Variants in ANKRD11 observed in about 807,000 individuals in gnomAD.
ANKRD11 encodes the protein ankyrin repeat domain 11, also known as ankyrin repeat domain-containing protein 11.
A neutral mutation model predicts 195.7 loss-of-function variants in ANKRD11; 17 were observed. The observed-to-expected ratio is 0.09, with a 90% confidence interval of 0.06 to 0.13. The LOEUF (loss-of-function observed/expected upper bound fraction) is 0.13, where lower values mean the gene tolerates loss of function less well. Ranked by LOEUF, ANKRD11 falls within the 10% of genes least tolerant of loss-of-function variation. The pLI is 1.00. For missense variants in ANKRD11, 3,735 were observed against 3,566.1 expected (o/e 1.05, Z -1.21); for synonymous variants, 1,953 against 1,528.1 (o/e 1.28, Z -6.49).
At chr16:89,360,538 A>G (rs902047205) in intron 2 of ANKRD11, 3 of 152,252 alleles carry the variant, frequency 2.0e-5, no homozygotes, top group African/African-American at 7.2e-5. Flanking sequence ...GCATTAGCCA[A>G]TGTCAGTGGT....
intron 1 of ANKRD11, among the ~76,000 whole-genome samples, chr16:89,452,534 T>C (rs12922711): frequency 0.14 from 21,137 of 151,980 alleles, 1,903 homozygotes; most frequent in South Asian, 0.21. Context: ...CTCAGCACTC[T>C]GGGAGGCTGA....
In ANKRD11 at chr16:89,281,463, G is replaced by T. The variant is rs746598883; in HGVS notation, c.5079C>A (p.Pro1693=). Residue 1693 remains proline (P), a synonymous_variant, in exon 9 of 13, where the codon CCC becomes CCA. Transcript: ENST00000301030. This position sits in a 1 kb window ranked among gnomAD's most constrained non-coding sequence, Gnocchi z 5.5. Reference sequence around the variant, plus strand: ...CAGTGGGCCGGCTCTGGTCAGGCCTGGGGGACGCAGGCAGGACCTCTTTCA... The same window carrying T: ...CAGTGGGCCGGCTCTGGTCAGGCCTTGGGGACGCAGGCAGGACCTCTTTCA... The part of the protein sequence containing the change: ...PHMKEVLPAS[P]RPDQSRPTGV... 2 of 1,614,110 alleles carry T rather than the reference G, an allele frequency of 1.2e-6. No homozygotes were observed. Among genetic ancestry groups the T allele is most frequent in the Non-Finnish European group, 8.5e-7 (1 of 1,179,968 alleles).
intron 2 of ANKRD11, among the ~76,000 whole-genome samples, chr16:89,334,169 A>AAAAAAAAAAAAC (rs2038221625): frequency 9.3e-6 from 1 of 107,292 alleles, no homozygotes; most frequent in African/African-American, 3.5e-5. Flanking sequence ...AAAAAAAAAA[A>AAAAAAAAAAAAC]AAAACAGAGA....
rs546062897 is a variant in ANKRD11 at position 89,411,383 on chromosome 16, C to T, written c.-60+6901G>A. 2.1e-4 allele frequency among the ~76,000 whole-genome samples: 32 copies of T among 152,352 alleles called. No individual in the cohort carries two copies. In the South Asian group the frequency reaches 5.6e-3, roughly 27 times the overall value. On this transcript the variant is annotated intron_variant, in intron 2 of 12. Coordinates refer to ENST00000301030, the MANE Select transcript of ANKRD11 (RefSeq NM_013275.6). ...AGCAGGCTGCCCTGGCTGGGCCAGA[C>T]GCTACACATCTTGCTGTCGAGATGG... is the stretch of plus-strand genomic sequence containing the variant.
intron 2 of ANKRD11, among the ~76,000 whole-genome samples, chr16:89,318,554 G>A (rs1039912330): frequency 8.7e-6 from 1 of 115,394 alleles, no homozygotes; most frequent in African/African-American, 3.0e-5. Flanking sequence ...GAAACACGAT[G>A]TGCAGACCCA....
intron 2 of ANKRD11, among the ~76,000 whole-genome samples, chr16:89,347,328 G>A (rs972870922): frequency 2.0e-5 from 3 of 152,138 alleles, no homozygotes; most frequent in African/African-American, 2.4e-5. Context: ...AGTTCCGTTC[G>A]GCCGGGCACA....
intron 2 of ANKRD11, among the ~76,000 whole-genome samples, chr16:89,372,003 G>C (rs996101629): frequency 6.6e-5 from 10 of 152,206 alleles, no homozygotes; most frequent in Non-Finnish European, 1.3e-4. Context: ...GGACCGGTTT[G>C]TCACGGGCCA....
At chr16:89,307,799 G>A (rs937187906) in intron 3 of ANKRD11, among the ~76,000 whole-genome samples, 1 of 152,362 alleles carries the variant, frequency 6.6e-6, no homozygotes, top group East Asian at 1.9e-4. Flanking sequence ...CCAGCAAGAA[G>A]CTCCAATCTT....
chr16:89,293,628 T>C lies in ANKRD11; in HGVS notation c.227-2445A>G, dbSNP rs1431619716. 4.5e-5 allele frequency among the ~76,000 whole-genome samples: 3 copies of C among 67,054 alleles called. No individual in the cohort carries two copies. The Admixed American group carries it at 5.4e-4, about 12-fold the overall frequency. 44.0% of individuals were successfully genotyped at this position (67,054 alleles called of 152,430 possible). A position where few individuals can be genotyped will look rare whatever the true frequency, so the allele number is the denominator to read the frequency against. On this transcript the variant is annotated intron_variant, in intron 4 of 12. Coordinates refer to ENST00000301030, the MANE Select transcript of ANKRD11 (RefSeq NM_013275.6). ...TGCGGAGGGAGGAGCTGGGGCGGTGTTGGGGCTGCGGAGGGGAGGAGGCGG... is the reference window on the plus strand; with the variant it reads ...TGCGGAGGGAGGAGCTGGGGCGGTGCTGGGGCTGCGGAGGGGAGGAGGCGG...
intron 3 of ANKRD11, among the ~76,000 whole-genome samples, chr16:89,314,751 G>A (rs747483073): frequency 2.0e-5 from 3 of 152,078 alleles, no homozygotes; most frequent in Non-Finnish European, 2.9e-5. Context: ...GGAGTGACAG[G>A]TGCCACCTCG....
intron 2 of ANKRD11, among the ~76,000 whole-genome samples, chr16:89,356,840 C>T (rs2039504418): frequency 6.6e-6 from 1 of 151,658 alleles, no homozygotes; most frequent in Non-Finnish European, 1.5e-5. Context: ...TTTGGGGACC[C>T]CAAAAGGATA....
chr16:89,285,975 A>G lies in ANKRD11; in HGVS notation c.892+64T>C. 1 of 1,611,360 alleles carries G rather than the reference A, an allele frequency of 6.2e-7. No individual in the cohort carries two copies. ...ATCAGAGGGGCAACACTGTGCAAAC[A>G]CCACAGGGCAGCTCCTACCATCCCT... On this transcript the variant is annotated intron_variant, in intron 8 of 12. Coordinates refer to ENST00000301030, the MANE Select transcript of ANKRD11 (RefSeq NM_013275.6). The surrounding 1 kb of genome is among the most constrained non-coding windows in gnomAD (Gnocchi z 5.6).
chr16:89,386,027 G>A (rs1404585393), intron 2 of ANKRD11, among the ~76,000 whole-genome samples: 1 of 152,254 alleles, frequency 6.6e-6, no homozygotes, highest in Non-Finnish European at 1.5e-5. Context: ...CCACGGGTGT[G>A]CGCCGCCATG....
chr16:89,313,486 C>G, intron 3 of ANKRD11: 1 of 1,289,222 alleles, frequency 7.8e-7, no homozygotes, highest in Non-Finnish European at 1.0e-6. Flanking sequence ...GGGACACGCA[C>G]AAGCCGTCAG....
rs530131082 is a variant in ANKRD11 at position 89,399,189 on chromosome 16, G to A, written c.-60+19095C>T. ...CAAGGACACCTCCTCATCAAGACAA[G>A]TCAGAGGCAGAACCGAGTTCAGGGG... On this transcript the variant is annotated intron_variant, in intron 2 of 12. Coordinates refer to ENST00000301030, the MANE Select transcript of ANKRD11 (RefSeq NM_013275.6). 4.6e-5 allele frequency among the ~76,000 whole-genome samples: 7 copies of A among 152,274 alleles called. No individual in the cohort carries two copies. The South Asian group carries it at 1.4e-3, about 32-fold the overall frequency.
intron 1 of ANKRD11, among the ~76,000 whole-genome samples, chr16:89,482,722 G>A (rs1410726039): frequency 6.6e-6 from 1 of 152,198 alleles, no homozygotes; most frequent in African/African-American, 2.4e-5. Flanking sequence ...AGCCCAGGAG[G>A]TCGACGCTGC....
intron 2 of ANKRD11, among the ~76,000 whole-genome samples, chr16:89,387,795 G>C (rs957423488): frequency 2.0e-5 from 3 of 151,316 alleles, no homozygotes; most frequent in African/African-American, 2.4e-5. Context: ...TTGAGGTCAG[G>C]GGTTCAAGAC....
chr16:89,345,419 C>T (rs545775440), intron 2 of ANKRD11, among the ~76,000 whole-genome samples: 124 of 152,310 alleles, frequency 8.1e-4, no homozygotes, highest in African/African-American at 2.8e-3. Flanking sequence ...TAAGGGCTAG[C>T]ACTGGGAGGC....
At chr16:89,346,982 G>A (rs147222659) in intron 2 of ANKRD11, among the ~76,000 whole-genome samples, 124 of 152,334 alleles carry the variant, frequency 8.1e-4, no homozygotes, top group African/African-American at 2.8e-3. Context: ...ATAGGAAGGC[G>A]CGAACTGTCT....
Sources: allele counts gnomAD v4.1 joint callset (sites outside exome capture counted in the v4.1 genomes callset), GRCh38; gene constraint gnomAD v4.1.1; non-coding constraint Gnocchi (gnomAD v3.1); transcripts MANE v1.5; gene names NCBI Gene and HGNC (gene_info 2026-07-23, HGNC 2026-07-21).